Variants in SORT1 observed in about 807,000 individuals in gnomAD.
SORT1 encodes the protein sortilin 1, also known as sortilin.
SORT1 carries 39 observed loss-of-function variants against 101.7 expected under a neutral mutation model. The observed-to-expected ratio is 0.38, with a 90% confidence interval of 0.30 to 0.50. The LOEUF (loss-of-function observed/expected upper bound fraction) is 0.50. Ranked by LOEUF, SORT1 falls within the 20% of genes least tolerant of loss-of-function variation. The probability of loss-of-function intolerance (pLI) is 0.90; values close to 1 mark genes in which losing one functional copy is unlikely to be tolerated. For synonymous variants in SORT1, 396 were observed against 393.7 expected, an observed-to-expected ratio of 1.01 and a Z score of -0.07; for missense variants, 878 against 1,040.4, an observed-to-expected ratio of 0.84 and a Z score of 2.15.
chr1:109,326,001 C>CAATA (rs949984940), intron 13 of SORT1, among the ~76,000 whole-genome samples: 17 of 150,348 alleles, frequency 1.1e-4, no homozygotes, highest in Non-Finnish European at 1.6e-4. Flanking sequence ...AACTCCATCT[C>CAATA]AATAAATAAA....
At chr1:109,336,738 G>A (rs1386770617) in intron 10 of SORT1, among the ~76,000 whole-genome samples, 1 of 151,580 alleles carries the variant, frequency 6.6e-6, no homozygotes, top group African/African-American at 2.4e-5. Flanking sequence ...GAACCCGGGA[G>A]GTGGGGGCTG....
At chr1:109,373,434 C>A (rs2101633371) in intron 1 of SORT1, among the ~76,000 whole-genome samples, 1 of 152,302 alleles carries the variant, frequency 6.6e-6, no homozygotes, top group Non-Finnish European at 1.5e-5. Context: ...TCAGCACACG[C>A]ATGTGAGGAA....
intron 10 of SORT1, among the ~76,000 whole-genome samples, chr1:109,338,099 T>C (rs11102972): frequency 0.19 from 28,915 of 152,094 alleles, 2,894 homozygotes; most frequent in Middle Eastern, 0.23. Flanking sequence ...GGTGGATTGA[T>C]AGTGTGTGTG....
At chr1:109,361,302 GC>G (rs1650706420) in intron 3 of SORT1, among the ~76,000 whole-genome samples, 1 of 152,162 alleles carries the variant, frequency 6.6e-6, no homozygotes, top group African/African-American at 2.4e-5. Flanking sequence ...ACACAATTCA[GC>G]CTAGTTGTCT....
At chr1:109,317,032 A>G in intron 16 of SORT1, 74 bp from the exon 17 acceptor site, 3 of 977,840 alleles carry the variant, frequency 3.1e-6, no homozygotes, top group Non-Finnish European at 4.7e-6. Flanking sequence ...CTTGGAAACA[A>G]GATTTGAAAA....
intron 11 of SORT1, among the ~76,000 whole-genome samples, chr1:109,335,316 G>A (rs1470202852): frequency 6.6e-6 from 1 of 152,210 alleles, no homozygotes. Flanking sequence ...GGCAAACACA[G>A]AGGCCACTGA....
chr1:109,343,193 AG>A (rs1649345248), intron 8 of SORT1, among the ~76,000 whole-genome samples: 1 of 152,220 alleles, frequency 6.6e-6, no homozygotes, highest in Non-Finnish European at 1.5e-5. Flanking sequence ...ATTAGCTCAC[AG>A]GGTTATTGGG....
chr1:109,341,420 C>T (rs1189471964), intron 9 of SORT1, among the ~76,000 whole-genome samples: 5 of 151,828 alleles, frequency 3.3e-5, no homozygotes, highest in Non-Finnish European at 5.9e-5. Context: ...GATCTCAGCT[C>T]ACTGCAAGCT....
chr1:109,397,785 C>A lies in SORT1; in HGVS notation c.108G>T (p.Arg36=). The stretch of plus-strand genomic sequence containing the variant: ...CAGCGGGCGGCGGCGGCGCGTCCAG[C>A]CGGTCCTGGCTGAGGGTCGACGGCG... ...LLPPSTLSQD[R]LDAPPPPAAP... Residue 36 remains arginine, a synonymous_variant, in exon 1 of 20, where the codon CGG becomes CGT. Transcript: ENST00000256637. 1.6e-6 allele frequency: 2 copies of A among 1,238,418 alleles called. No individual in the cohort carries two copies. Among genetic ancestry groups the A allele is most frequent in the Admixed American group, 3.9e-5 (1 of 25,836 alleles). 76.7% of individuals were successfully genotyped at this position (1,238,418 alleles called of 1,614,324 possible). A position where few individuals can be genotyped will look rare whatever the true frequency, so the allele number is the denominator to read the frequency against.
intron 15 of SORT1, among the ~76,000 whole-genome samples, chr1:109,320,772 A>G (rs1356928131): frequency 6.6e-6 from 1 of 152,196 alleles, no homozygotes; most frequent in African/African-American, 2.4e-5. Context: ...TTCAATGAGT[A>G]TTTGGGGAAT....
At chr1:109,346,135 C>A (rs2101589203) in intron 7 of SORT1, among the ~76,000 whole-genome samples, 1 of 151,666 alleles carries the variant, frequency 6.6e-6, no homozygotes, top group African/African-American at 2.4e-5. Context: ...CACCATGAAA[C>A]CCCATCTGTA....
intron 12 of SORT1, 124 bp downstream of exon 12, chr1:109,327,375 T>G (rs1161167439): frequency 5.5e-6 from 4 of 727,706 alleles, no homozygotes; most frequent in Admixed American, 6.2e-5. Context: ...ATGTAAGAAA[T>G]TCTACCAAAG....
At chr1:109,381,819 G>T (rs1053964421) in intron 1 of SORT1, among the ~76,000 whole-genome samples, 22 of 151,966 alleles carry the variant, frequency 1.4e-4, no homozygotes, top group Non-Finnish European at 1.8e-4. Flanking sequence ...AGCCATGATT[G>T]TGCCACTGCA....
chr1:109,362,195 C>A (rs913191145), intron 3 of SORT1, among the ~76,000 whole-genome samples: 1 of 152,096 alleles, frequency 6.6e-6, no homozygotes, highest in African/African-American at 2.4e-5. Context: ...TAAACAGAAA[C>A]ACACATAAAA....
chr1:109,361,684 T>C (rs889478917), intron 3 of SORT1, among the ~76,000 whole-genome samples: 1 of 152,258 alleles, frequency 6.6e-6, no homozygotes. Context: ...TTGTGGTTTT[T>C]ACTAATTGAG....
At chr1:109,375,541 CAAAAAAA>C (rs57014091) in intron 1 of SORT1, among the ~76,000 whole-genome samples, 4 of 71,082 alleles carry the variant, frequency 5.6e-5, no homozygotes, top group African/African-American at 1.2e-4. Context: ...GACTCCGTTT[CAAAAAAA>C]AAAAAAAAAG....
intron 1 of SORT1, among the ~76,000 whole-genome samples, chr1:109,378,025 G>A (rs373401266): frequency 3.9e-5 from 6 of 152,146 alleles, no homozygotes; most frequent in East Asian, 3.9e-4. Flanking sequence ...GAGTCCACGA[G>A]TTCAAGACCA....
intron 5 of SORT1, among the ~76,000 whole-genome samples, chr1:109,352,237 G>C (rs1409793541): frequency 1.3e-5 from 2 of 152,124 alleles, no homozygotes; most frequent in African/African-American, 4.8e-5. Flanking sequence ...GGGAAAGCCA[G>C]GGCTAGAGAT....
chr1:109,328,018 C>T (rs2101554097), intron 11 of SORT1, among the ~76,000 whole-genome samples: 1 of 152,296 alleles, frequency 6.6e-6, no homozygotes, highest in Admixed American at 6.5e-5. Context: ...GTCCTCAAGG[C>T]TCATCCATGT....
Sources: allele counts gnomAD v4.1 joint callset (sites outside exome capture counted in the v4.1 genomes callset), GRCh38; gene constraint gnomAD v4.1.1; transcripts MANE v1.5; gene names NCBI Gene and HGNC (gene_info 2026-07-23, HGNC 2026-07-21).